The following RTN1 variants were observed in gnomAD, a reference collection of about 807,000 sequenced individuals.
RTN1 encodes reticulon 1.
A neutral mutation model predicts 65.5 loss-of-function variants in RTN1; 25 were observed. The observed-to-expected ratio is 0.38, with a 90% confidence interval of 0.28 to 0.53. The LOEUF is 0.53. RTN1 is among the 20% of genes least tolerant of loss of function. The pLI is 0.79. For synonymous variants in RTN1, 471 were observed against 447.6 expected (o/e 1.05, Z -0.66); for missense variants, 983 against 1,025.4 (o/e 0.96, Z 0.57).
chr14:59,711,789 C>T (rs1484101012), intron 3 of RTN1, among the ~76,000 whole-genome samples: 2 of 152,180 alleles, frequency 1.3e-5, no homozygotes, highest in Non-Finnish European at 2.9e-5. Context: ...CTTTGAAGAT[C>T]TAAGACAAGA....
intron 1 of RTN1, among the ~76,000 whole-genome samples, chr14:59,773,029 G>A (rs1398240408): frequency 6.6e-6 from 1 of 152,016 alleles, no homozygotes; most frequent in African/African-American, 2.4e-5. Context: ...TGTCTCTAAT[G>A]AACAAAGCTA....
chr14:59,679,105 T>A (rs1449398583), intron 3 of RTN1, among the ~76,000 whole-genome samples: 2 of 152,118 alleles, frequency 1.3e-5, no homozygotes, highest in Non-Finnish European at 2.9e-5. Flanking sequence ...TGGGAACAGG[T>A]AGGAATCTAC....
At chr14:59,763,615 C>T (rs1885792997) in intron 1 of RTN1, among the ~76,000 whole-genome samples, 1 of 150,840 alleles carries the variant, frequency 6.6e-6, no homozygotes, top group Non-Finnish European at 1.5e-5. Flanking sequence ...TCACTGCAAG[C>T]TCCGCCTCCC....
In RTN1 at chr14:59,791,842, G is replaced by A. The variant is rs559691306; in HGVS notation, c.242-45361C>T. ...TTTCCACCTAGTCAGTTTTATAAAGGTTAGCCTGGATTTTTTTTTGGTCCT... is the reference window on the plus strand; with the variant it reads ...TTTCCACCTAGTCAGTTTTATAAAGATTAGCCTGGATTTTTTTTTGGTCCT... On this transcript the variant is annotated intron_variant, in intron 1 of 8. Transcript: ENST00000267484. Among the ~76,000 whole-genome samples the A allele has an allele frequency of 5.9e-5, 9 of 152,196 alleles. No homozygotes were observed. In the East Asian group the frequency reaches 1.7e-3, roughly 29 times the overall value.
At position 59,749,200 on chromosome 14, in the gene RTN1, ATATATATATC is replaced by A. The variant is rs1275393185; in HGVS notation, c.242-2729_242-2720del. Among the ~76,000 whole-genome samples the A allele has an allele frequency of 1.8e-4, 10 of 56,672 alleles. 1 individual carries two copies. The East Asian group carries it at 1.8e-3, about 10-fold the overall frequency. The allele number at this position is 56,672 out of a possible 152,430, so 37.2% of individuals were successfully genotyped here. On this transcript the variant is annotated intron_variant, in intron 1 of 8. Coordinates refer to ENST00000267484, the MANE Select transcript of RTN1 (RefSeq NM_021136.3). The stretch of plus-strand genomic sequence containing the variant: ...TCTATATATCTATCTATATATATCT[ATATATATATC>A]TATATATATCTATATATCTATATAT...
intron 1 of RTN1, among the ~76,000 whole-genome samples, chr14:59,795,602 T>C (rs995784195): frequency 1.3e-5 from 2 of 152,210 alleles, no homozygotes; most frequent in Non-Finnish European, 1.5e-5. Flanking sequence ...CTAGTGTTCA[T>C]CTACATATTT....
At chr14:59,867,014 A>G (rs184505102) in intron 1 of RTN1, among the ~76,000 whole-genome samples, 5 of 152,332 alleles carry the variant, frequency 3.3e-5, no homozygotes, top group East Asian at 1.9e-4. Flanking sequence ...AAGTCAAATT[A>G]TTTATAAATT....
intron 3 of RTN1, among the ~76,000 whole-genome samples, chr14:59,627,217 A>G (rs1882422891): frequency 6.6e-6 from 1 of 152,238 alleles, no homozygotes; most frequent in African/African-American, 2.4e-5. Flanking sequence ...AGCCTACACA[A>G]TCACCATTAC....
chr14:59,642,710 AT>A (rs926958110), intron 3 of RTN1, among the ~76,000 whole-genome samples: 3 of 151,760 alleles, frequency 2.0e-5, no homozygotes, highest in Non-Finnish European at 4.4e-5. Flanking sequence ...TTTTTTATCA[AT>A]TTTCTTTCAC....
intron 3 of RTN1, among the ~76,000 whole-genome samples, chr14:59,681,409 A>T (rs1416047365): frequency 1.3e-5 from 2 of 151,784 alleles, no homozygotes; most frequent in Non-Finnish European, 2.9e-5. Context: ...GAAAATGCCA[A>T]AATGTTCTCC....
chr14:59,637,220 G>C (rs894486565), intron 3 of RTN1, among the ~76,000 whole-genome samples: 1 of 152,148 alleles, frequency 6.6e-6, no homozygotes, highest in African/African-American at 2.4e-5. Context: ...TCTTCACCAG[G>C]AGTAAATTCC....
intron 1 of RTN1, among the ~76,000 whole-genome samples, chr14:59,793,828 T>C (rs1416106071): frequency 1.3e-5 from 2 of 152,106 alleles, no homozygotes; most frequent in East Asian, 1.9e-4. Context: ...AACTCATATA[T>C]ACAAAATTCT....
intron 3 of RTN1, among the ~76,000 whole-genome samples, chr14:59,625,790 G>A (rs768259987): frequency 2.0e-5 from 3 of 151,862 alleles, no homozygotes; most frequent in Non-Finnish European, 2.9e-5. Context: ...CCCAAAGTTC[G>A]AAATATTTCC....
intron 5 of RTN1, chr14:59,605,160 C>T (rs1425215516): frequency 6.2e-6 from 3 of 486,170 alleles, no homozygotes; most frequent in Non-Finnish European, 1.1e-5. Context: ...CACTGGGCAA[C>T]CCTGGACAAA....
At chr14:59,730,284 G>A (rs1884871716) in intron 2 of RTN1, among the ~76,000 whole-genome samples, 1 of 152,034 alleles carries the variant, frequency 6.6e-6, no homozygotes, top group African/African-American at 2.4e-5. Flanking sequence ...TATATTTTGG[G>A]GCATGAGAAG....
At chr14:59,750,101 T>TTATAATA (rs1566713097) in intron 1 of RTN1, among the ~76,000 whole-genome samples, 2 of 63,236 alleles carry the variant, frequency 3.2e-5, no homozygotes, top group East Asian at 4.0e-4. Flanking sequence ...ATATTATATA[T>TTATAATA]TATATATTAT....
At chr14:59,744,169 AC>A (rs1178243819) in intron 2 of RTN1, among the ~76,000 whole-genome samples, 1 of 152,186 alleles carries the variant, frequency 6.6e-6, no homozygotes, top group Non-Finnish European at 1.5e-5. Context: ...TTTGTACTAT[AC>A]CATCAGGGTT....
Position 59,794,592 on chromosome 14 carries a change from C to T in RTN1, c.242-48111G>A, listed in dbSNP as rs1886407353. 6.6e-6 allele frequency among the ~76,000 whole-genome samples: 1 copy of T among 152,190 alleles called. No individual in the cohort carries two copies. Among genetic ancestry groups the T allele is most frequent in the African/African-American group, 2.4e-5 (1 of 41,460 alleles). On this transcript the variant is annotated intron_variant, in intron 1 of 8. Coordinates refer to ENST00000267484, the MANE Select transcript of RTN1 (RefSeq NM_021136.3). The surrounding 1 kb of genome is among the most constrained non-coding windows in gnomAD (Gnocchi z 5.1). ...TTACTGTAACAAAGATCCATGTCTG[C>T]TCCATGGTGTTGGGAGCAAGGTTCT...
intron 1 of RTN1, among the ~76,000 whole-genome samples, chr14:59,755,509 G>C (rs1885620229): frequency 1.3e-5 from 2 of 152,144 alleles, no homozygotes; most frequent in Non-Finnish European, 2.9e-5. Flanking sequence ...CTGCCCATGT[G>C]ATGGATAGCA....
Sources: allele counts gnomAD v4.1 joint callset (sites outside exome capture counted in the v4.1 genomes callset), GRCh38; gene constraint gnomAD v4.1.1; non-coding constraint Gnocchi (gnomAD v3.1); transcripts MANE v1.5; gene names NCBI Gene and HGNC (gene_info 2026-07-23, HGNC 2026-07-21).